Variants in RIMS2 observed in about 807,000 individuals in gnomAD.
RIMS2 encodes the protein regulating synaptic membrane exocytosis 2.
A neutral mutation model predicts 174.4 loss-of-function variants in RIMS2; 59 were observed. The ratio of observed to expected loss-of-function variants is 0.34; its 90% CI spans 0.27 to 0.42. RIMS2 has a LOEUF of 0.42. Ranked by LOEUF, RIMS2 falls within the 10% of genes least tolerant of loss-of-function variation. The pLI is 1.00. For missense variants in RIMS2, 1,620 were observed against 1,666.3 expected (o/e 0.97, Z 0.48); for synonymous variants, 606 against 572.5 (o/e 1.06, Z -0.84).
At chr8:104,136,938 G>A (rs1438138480) in intron 19 of RIMS2, among the ~76,000 whole-genome samples, 4 of 151,614 alleles carry the variant, frequency 2.6e-5, no homozygotes, top group African/African-American at 7.3e-5. Context: ...CTTGTACCCC[G>A]GATTTAAAAG....
chr8:103,634,793 T>TG (rs2096032952), intron 1 of RIMS2, among the ~76,000 whole-genome samples: 1 of 152,200 alleles, frequency 6.6e-6, no homozygotes. Context: ...TCTTTTTTGA[T>TG]TTTTGTTGTC....
At chr8:104,074,270 G>T (rs2097250647) in intron 19 of RIMS2, among the ~76,000 whole-genome samples, 2 of 152,132 alleles carry the variant, frequency 1.3e-5, no homozygotes, top group African/African-American at 2.4e-5. Flanking sequence ...ACAGCCTGGG[G>T]TCAAGTGGAC....
At chr8:103,725,524 T>A (rs910079399) in intron 2 of RIMS2, among the ~76,000 whole-genome samples, 3 of 152,226 alleles carry the variant, frequency 2.0e-5, no homozygotes, top group African/African-American at 7.2e-5. Context: ...TCTATGAGAT[T>A]CATCCATGAT....
chr8:103,718,153 G>T (rs1419944187), intron 2 of RIMS2, among the ~76,000 whole-genome samples: 1 of 152,090 alleles, frequency 6.6e-6, no homozygotes, highest in Non-Finnish European at 1.5e-5. Flanking sequence ...CTAATGCCAA[G>T]GAGGATAATA....
chr8:103,570,166 C>G (rs1403112958), intron 1 of RIMS2, among the ~76,000 whole-genome samples: 1 of 152,110 alleles, frequency 6.6e-6, no homozygotes. Flanking sequence ...CCTCCCCGTA[C>G]CCTCATTATA....
At chr8:104,171,768 T>C (rs777252649) in intron 19 of RIMS2, among the ~76,000 whole-genome samples, 30 of 152,312 alleles carry the variant, frequency 2.0e-4, no homozygotes, top group Admixed American at 3.3e-4. Flanking sequence ...TTGGGTAAAC[T>C]ATTTCTTGAA....
intron 19 of RIMS2, among the ~76,000 whole-genome samples, 193 bp downstream of exon 21, chr8:104,014,808 G>A (rs1597147869): frequency 6.6e-6 from 1 of 152,114 alleles, no homozygotes; most frequent in East Asian, 1.9e-4. Context: ...GGTAAAATAA[G>A]GTATCTTTAT....
At chr8:103,786,757 G>A (rs943835218) in intron 3 of RIMS2, among the ~76,000 whole-genome samples, 2 of 152,158 alleles carry the variant, frequency 1.3e-5, no homozygotes, top group Non-Finnish European at 2.9e-5. Flanking sequence ...GTTGATTTGG[G>A]GTGGAGAGTT....
intron 1 of RIMS2, among the ~76,000 whole-genome samples, chr8:103,598,216 GC>G (rs2094552081): frequency 6.6e-6 from 1 of 152,088 alleles, no homozygotes; most frequent in South Asian, 2.1e-4. Flanking sequence ...TTTTGTATGA[GC>G]CCCAGAATAA....
In RIMS2 at chr8:104,114,038, C is replaced by T. The variant is rs974253081; in HGVS notation, c.3334+99423C>T. 4.0e-5 allele frequency among the ~76,000 whole-genome samples: 6 copies of T among 151,850 alleles called. No individual in the cohort carries two copies. In the South Asian group the frequency reaches 6.2e-4, roughly 16 times the overall value. On this transcript the variant is annotated intron_variant, in intron 19 of 23. Coordinates refer to ENST00000504942, the Ensembl canonical transcript of RIMS2. ...GTGGGTTGAATAGTTAAAATGAATA[C>T]ATTTAGATAATTAAAGACCTGAATT... is the stretch of plus-strand genomic sequence containing the variant.
intron 1 of RIMS2, among the ~76,000 whole-genome samples, chr8:103,511,630 G>A (rs1157929686): frequency 6.6e-6 from 1 of 152,098 alleles, no homozygotes; most frequent in African/African-American, 2.4e-5. Flanking sequence ...GGCATGTAAA[G>A]ATTAAAAGTA....
At chr8:103,885,183 AT>A (rs2099192491) in intron 3 of RIMS2, 114 bp from the exon 7 acceptor site, 3 of 1,402,670 alleles carry the variant, frequency 2.1e-6, no homozygotes, top group Non-Finnish European at 2.8e-6. Context: ...TTAAAATGAA[AT>A]TTTAAAAAGG....
intron 19 of RIMS2, among the ~76,000 whole-genome samples, chr8:104,224,629 A>C (rs2099173950): frequency 6.6e-6 from 1 of 152,192 alleles, no homozygotes; most frequent in African/African-American, 2.4e-5. Flanking sequence ...GTTCGTTATC[A>C]TGATGTTAAC....
At chr8:103,665,348 TCCTC>T (rs1462416189) in intron 1 of RIMS2, among the ~76,000 whole-genome samples, 5 of 152,314 alleles carry the variant, frequency 3.3e-5, no homozygotes, top group Non-Finnish European at 7.3e-5. Flanking sequence ...TTTGAGATGT[TCCTC>T]CCTCAAACCT....
At chr8:103,686,982 A>G (rs2096948758) in intron 1 of RIMS2, among the ~76,000 whole-genome samples, 1 of 152,082 alleles carries the variant, frequency 6.6e-6, no homozygotes, top group Admixed American at 6.6e-5. Context: ...TAGTTGGGAA[A>G]TGTTCCATCC....
chr8:104,141,063 TAATTGTTTTTAAAG>T (rs2098563268), intron 19 of RIMS2, among the ~76,000 whole-genome samples: 1 of 152,246 alleles, frequency 6.6e-6, no homozygotes, highest in Non-Finnish European at 1.5e-5. Context: ...TTTTTGTGCT[TAATTGTTTTTAAAG>T]AAGACAAAAC....
chr8:104,020,127 T>C (rs1201939497), intron 19 of RIMS2, among the ~76,000 whole-genome samples: 1 of 152,052 alleles, frequency 6.6e-6, no homozygotes. Context: ...AGATAGGAAG[T>C]ATATACTTTT....
chr8:103,866,369 G>A (rs1318192101), intron 3 of RIMS2, among the ~76,000 whole-genome samples: 1 of 152,052 alleles, frequency 6.6e-6, no homozygotes, highest in Non-Finnish European at 1.5e-5. Flanking sequence ...TACATGTAAT[G>A]GCGTTTCTGA....
chr8:103,755,538 C>G (rs928771317), intron 2 of RIMS2, among the ~76,000 whole-genome samples: 2 of 152,172 alleles, frequency 1.3e-5, no homozygotes, highest in South Asian at 2.1e-4. Flanking sequence ...CAGCTTGGTT[C>G]TATTCTCCCC....
Sources: allele counts gnomAD v4.1 joint callset (sites outside exome capture counted in the v4.1 genomes callset), GRCh38; gene constraint gnomAD v4.1.1; transcripts MANE v1.5; gene names NCBI Gene and HGNC (gene_info 2026-07-23, HGNC 2026-07-21).